Variants in ARK2N observed in about 807,000 individuals in gnomAD.
ARK2N encodes protein ARK2N.
At chr18:46,242,088 C>T in the ARK2N span, among the ~76,000 whole-genome samples, 7 of 152,118 alleles carry the variant, frequency 4.6e-5, no homozygotes, top group Non-Finnish European at 5.9e-5. Flanking sequence ...GGATTACAGG[C>T]GTGAACCACT....
At chr18:46,202,039 A>G in the ARK2N span, among the ~76,000 whole-genome samples, 2 of 152,018 alleles carry the variant, frequency 1.3e-5, no homozygotes, top group Non-Finnish European at 2.9e-5. Flanking sequence ...CAGCCTCCCA[A>G]AGTGCTGGGA....
the ARK2N span, among the ~76,000 whole-genome samples, chr18:46,222,812 A>G: frequency 0.62 from 93,520 of 151,990 alleles, 31,319 homozygotes; most frequent in Non-Finnish European, 0.75. Flanking sequence ...GGCTTCCCCT[A>G]CTATCAACAT....
At chr18:46,258,460 A>G in the ARK2N span, among the ~76,000 whole-genome samples, 2 of 152,176 alleles carry the variant, frequency 1.3e-5, no homozygotes, top group Non-Finnish European at 2.9e-5. Flanking sequence ...GTGTGCGCGC[A>G]CACACTTCAT....
At chr18:46,253,453 T>TTA in the ARK2N span, among the ~76,000 whole-genome samples, 1 of 152,236 alleles carries the variant, frequency 6.6e-6, no homozygotes, top group Non-Finnish European at 1.5e-5. Context: ...GTGAGAGACT[T>TTA]TGAGTTCATA....
the ARK2N span, among the ~76,000 whole-genome samples, chr18:46,189,676 G>T: frequency 2.6e-5 from 4 of 152,098 alleles, no homozygotes; most frequent in African/African-American, 9.7e-5. Context: ...TTTGATACCA[G>T]TCTGGGCAAC....
At chr18:46,228,339 A>G in the ARK2N span, among the ~76,000 whole-genome samples, 2 of 152,204 alleles carry the variant, frequency 1.3e-5, no homozygotes, top group African/African-American at 4.8e-5. Flanking sequence ...AACTGCTTCA[A>G]GCACTTAACA....
the ARK2N span, among the ~76,000 whole-genome samples, chr18:46,185,203 G>A: frequency 6.6e-6 from 1 of 152,216 alleles, no homozygotes; most frequent in Non-Finnish European, 1.5e-5. Context: ...AACTGTGAGT[G>A]AACTGATACT....
chr18:46,242,816 C>T, the ARK2N span, among the ~76,000 whole-genome samples: 2 of 152,082 alleles, frequency 1.3e-5, no homozygotes, highest in East Asian at 1.9e-4. Flanking sequence ...TTTAGTATTC[C>T]ACTATATGAA....
At chr18:46,259,494 G>A in the ARK2N span, among the ~76,000 whole-genome samples, 17 of 151,912 alleles carry the variant, frequency 1.1e-4, no homozygotes, top group African/African-American at 3.4e-4. Flanking sequence ...CGCCTACCTC[G>A]GCCTCCCAAG....
chr18:46,243,144 G>A, the ARK2N span, among the ~76,000 whole-genome samples: 1 of 152,042 alleles, frequency 6.6e-6, no homozygotes, highest in African/African-American at 2.4e-5. Flanking sequence ...AAATAATACT[G>A]TAGTCTTGAT....
chr18:46,256,965 T>C, the ARK2N span, among the ~76,000 whole-genome samples: 1 of 152,204 alleles, frequency 6.6e-6, no homozygotes, highest in Non-Finnish European at 1.5e-5. Context: ...CTGTATCTCA[T>C]CTGGAATTTA....
the ARK2N span, chr18:46,173,565 C>G: frequency 6.6e-6 from 1 of 152,286 alleles, no homozygotes; most frequent in Non-Finnish European, 1.5e-5. Flanking sequence ...ATATTGGTGC[C>G]GCTGCCCGAG....
the ARK2N span, among the ~76,000 whole-genome samples, chr18:46,215,283 C>T: frequency 6.6e-6 from 1 of 152,216 alleles, no homozygotes; most frequent in Admixed American, 6.5e-5. Context: ...TGCACCATTG[C>T]ACTCCAGCCT....
the ARK2N span, chr18:46,240,168 G>A: frequency 3.7e-6 from 6 of 1,614,172 alleles, no homozygotes; most frequent in Admixed American, 8.3e-5. Context: ...GGCTTCTAGA[G>A]GAGCTGAATG....
At chr18:46,238,514 A>G in the ARK2N span, among the ~76,000 whole-genome samples, 1 of 152,098 alleles carries the variant, frequency 6.6e-6, no homozygotes, top group Non-Finnish European at 1.5e-5. Context: ...TCAATTACCA[A>G]CTGATACCAA....
At chr18:46,223,059 C>T in the ARK2N span, among the ~76,000 whole-genome samples, 1 of 152,148 alleles carries the variant, frequency 6.6e-6, no homozygotes, top group Non-Finnish European at 1.5e-5. Flanking sequence ...CATAAATGTT[C>T]TTATACCATT....
chr18:46,195,295 AC>A, the ARK2N span, among the ~76,000 whole-genome samples: 1 of 126,730 alleles, frequency 7.9e-6, no homozygotes. Flanking sequence ...TTGAGATAGA[AC>A]CTCACTCAGT....
At chr18:46,203,033 T>C in the ARK2N span, among the ~76,000 whole-genome samples, 1 of 152,084 alleles carries the variant, frequency 6.6e-6, no homozygotes, top group Non-Finnish European at 1.5e-5. Context: ...CTCTCAGACA[T>C]TGTTGGCAGG....
At chr18:46,196,592 G>A in the ARK2N span, among the ~76,000 whole-genome samples, 1 of 152,208 alleles carries the variant, frequency 6.6e-6, no homozygotes, top group African/African-American at 2.4e-5. Flanking sequence ...TTTTGCATTT[G>A]TAAGATAATA....
Sources: allele counts gnomAD v4.1 joint callset (sites outside exome capture counted in the v4.1 genomes callset), GRCh38; gene constraint gnomAD v4.1.1; transcripts MANE v1.5; gene names NCBI Gene and HGNC (gene_info 2026-07-23, HGNC 2026-07-21).